The following VOPP1 variants were observed in gnomAD, a reference collection of about 807,000 sequenced individuals.
VOPP1 encodes VOPP1 WW domain binding protein, also known as WW domain binding protein VOPP1.
VOPP1 carries 8 observed loss-of-function variants against 23.5 expected under a neutral mutation model. The ratio of observed to expected loss-of-function variants is 0.34; its 90% CI spans 0.20 to 0.61. The LOEUF is 0.61. Ranked by LOEUF, VOPP1 falls within the 20% of genes least tolerant of loss-of-function variation. The pLI is 0.78. For synonymous variants in VOPP1, 83 were observed against 97.3 expected, an observed-to-expected ratio of 0.85 and a Z score of 0.86; for missense variants, 174 against 238.1, an observed-to-expected ratio of 0.73 and a Z score of 1.77.
At chr7:55,552,816 C>G in intron 1 of VOPP1, 1 of 1,463,198 alleles carries the variant, frequency 6.8e-7, no homozygotes, top group Non-Finnish European at 9.0e-7. Flanking sequence ...CTGAGTCACT[C>G]AGCCATGCTC....
intron 4 of VOPP1, among the ~76,000 whole-genome samples, chr7:55,451,770 G>A (rs1007498103): frequency 3.6e-4 from 55 of 152,334 alleles, no homozygotes; most frequent in African/African-American, 1.2e-3. Flanking sequence ...CAGCCTGGGC[G>A]ACAGAGCGAG....
At chr7:55,551,804 C>T (rs142253270) in intron 1 of VOPP1, among the ~76,000 whole-genome samples, 1 of 152,122 alleles carries the variant, frequency 6.6e-6, no homozygotes, top group Non-Finnish European at 1.5e-5. Context: ...CTTTGGGAGG[C>T]CCAGGAGCGT....
chr7:55,569,851 A>C (rs1798290265), intron 1 of VOPP1, among the ~76,000 whole-genome samples: 1 of 152,100 alleles, frequency 6.6e-6, no homozygotes, highest in Non-Finnish European at 1.5e-5. Context: ...TGCGCATGTG[A>C]GATTCTGGAT....
chr7:55,473,143 T>C, intron 4 of VOPP1, 98 bp from the exon 5 acceptor site: 1 of 1,500,014 alleles, frequency 6.7e-7, no homozygotes, highest in Non-Finnish European at 8.8e-7. Context: ...GCCCCGTCAT[T>C]CACTCAGCGA....
intron 1 of VOPP1, chr7:55,562,136 G>A (rs1387530931): frequency 1.0e-5 from 7 of 698,366 alleles, no homozygotes; most frequent in East Asian, 2.7e-5. Context: ...AGCCAACGCT[G>A]AGAATGGCAA....
At chr7:55,494,504 C>T (rs945289642) in intron 3 of VOPP1, among the ~76,000 whole-genome samples, 2 of 152,198 alleles carry the variant, frequency 1.3e-5, no homozygotes, top group Non-Finnish European at 2.9e-5. Context: ...AAGGAAATGA[C>T]ATTGCAGCTC....
At chr7:55,438,095 G>A (rs1001438000) in intron 4 of VOPP1, among the ~76,000 whole-genome samples, 2 of 151,960 alleles carry the variant, frequency 1.3e-5, no homozygotes, top group African/African-American at 2.4e-5. Flanking sequence ...TAGAGACAGG[G>A]TTTCACTATG....
At chr7:55,436,652 G>GGGTC (rs1790835081) in intron 4 of VOPP1, among the ~76,000 whole-genome samples, 1 of 150,796 alleles carries the variant, frequency 6.6e-6, no homozygotes, top group African/African-American at 2.5e-5. Flanking sequence ...GTGCGTGGGT[G>GGGTC]TGTGTGCGTG....
chr7:55,512,609 C>G (rs767573590), intron 2 of VOPP1, among the ~76,000 whole-genome samples: 1 of 152,160 alleles, frequency 6.6e-6, no homozygotes, highest in African/African-American at 2.4e-5. Context: ...GAATATCTGC[C>G]CCCTCCAGGC....
chr7:55,473,142 T>G (rs1264643002), intron 4 of VOPP1, 97 bp from the exon 5 acceptor site: 2 of 1,501,764 alleles, frequency 1.3e-6, no homozygotes, highest in East Asian at 5.2e-5. Flanking sequence ...CGCCCCGTCA[T>G]TCACTCAGCG....
At chr7:55,469,157 A>G (rs1162937166), downstream of VOPP1, among the ~76,000 whole-genome samples, 1 of 152,124 alleles carries the variant, frequency 6.6e-6, no homozygotes, top group African/African-American at 2.4e-5. Context: ...ATAACATTTT[A>G]TTTTGTAGTC....
At chr7:55,549,841 C>T (rs1286615089) in intron 1 of VOPP1, among the ~76,000 whole-genome samples, 1 of 152,230 alleles carries the variant, frequency 6.6e-6, no homozygotes. Flanking sequence ...AAAAATCTCA[C>T]ATATTAAAAT....
At chr7:55,480,439 C>T (rs1381284444) in intron 4 of VOPP1, among the ~76,000 whole-genome samples, 2 of 152,120 alleles carry the variant, frequency 1.3e-5, no homozygotes, top group Non-Finnish European at 2.9e-5. Flanking sequence ...TTTTTGTGTT[C>T]TTCTCCTTTA....
intron 4 of VOPP1, among the ~76,000 whole-genome samples, chr7:55,445,727 A>G (rs1791084555): frequency 6.6e-6 from 1 of 152,146 alleles, no homozygotes; most frequent in Non-Finnish European, 1.5e-5. Flanking sequence ...CTTCCTATAA[A>G]CAGGAAGTTA....
At chr7:55,445,978 T>C (rs1319504852) in intron 4 of VOPP1, among the ~76,000 whole-genome samples, 2 of 149,930 alleles carry the variant, frequency 1.3e-5, no homozygotes, top group Admixed American at 6.8e-5. Flanking sequence ...GTTGTGGAGG[T>C]ATCCAGGTGA....
chr7:55,556,797 C>T (rs1462784130), intron 1 of VOPP1, among the ~76,000 whole-genome samples: 3 of 152,124 alleles, frequency 2.0e-5, no homozygotes, highest in Non-Finnish European at 4.4e-5. Context: ...AAAAGCCTCC[C>T]GCCCTCTGAA....
chr7:55,475,845 G>A (rs1287884595), intron 4 of VOPP1, among the ~76,000 whole-genome samples: 3 of 152,246 alleles, frequency 2.0e-5, no homozygotes, highest in South Asian at 2.1e-4. Context: ...AGCCTGTGCC[G>A]TGTGTGCACG....
At chr7:55,445,130 G>C (rs913617690) in intron 4 of VOPP1, among the ~76,000 whole-genome samples, 1 of 152,148 alleles carries the variant, frequency 6.6e-6, no homozygotes, top group Non-Finnish European at 1.5e-5. Context: ...GAACAGAAGA[G>C]GGGGTGAAAC....
intron 1 of VOPP1, chr7:55,539,498 C>T (rs1324857408): frequency 1.3e-5 from 2 of 152,156 alleles, no homozygotes; most frequent in Admixed American, 1.3e-4. Flanking sequence ...CCCCTTCATC[C>T]CAAAGATTCA....
Sources: gnomAD v4.1 joint callset for allele counts (sites outside exome capture counted in the v4.1 genomes callset) on GRCh38, gnomAD v4.1.1 for gene constraint, MANE v1.5 for transcripts, NCBI Gene and HGNC (gene_info 2026-07-23, HGNC 2026-07-21) for gene names.